The following SLMAP variants were observed in gnomAD, a reference collection of about 807,000 sequenced individuals.
The protein encoded by SLMAP is sarcolemmal membrane-associated protein.
In SLMAP, 44 loss-of-function variants were observed where a neutral mutation model predicts 128.8. The observed-to-expected ratio is 0.34, with a 90% CI of 0.27 to 0.44. The LOEUF is 0.44. Ranked by LOEUF, SLMAP falls within the 20% of genes least tolerant of loss-of-function variation. SLMAP has a pLI of 1.00. For missense variants in SLMAP, 787 were observed against 985.3 expected, an observed-to-expected ratio of 0.80 and a Z score of 2.69; for synonymous variants, 327 against 348.8, an observed-to-expected ratio of 0.94 and a Z score of 0.70.
At chr3:57,780,774 G>A (rs139867004) in intron 2 of SLMAP, among the ~76,000 whole-genome samples, 5 of 151,604 alleles carry the variant, frequency 3.3e-5, no homozygotes, top group African/African-American at 1.2e-4. Flanking sequence ...CTTCCTCGTG[G>A]CTGGGACTGT....
At chr3:57,781,331 TA>T (rs2083019721) in intron 2 of SLMAP, among the ~76,000 whole-genome samples, 1 of 152,188 alleles carries the variant, frequency 6.6e-6, no homozygotes, top group African/African-American at 2.4e-5. Context: ...AAATAGGTTA[TA>T]AAATGATTGG....
chr3:57,889,292 A>G (rs1351395573), intron 14 of SLMAP, among the ~76,000 whole-genome samples: 2 of 152,272 alleles, frequency 1.3e-5, no homozygotes, highest in South Asian at 4.1e-4. Flanking sequence ...ACTAGAGGCT[A>G]TAATGATATT....
chr3:57,915,802 C>T lies in SLMAP; in HGVS notation c.2139-1104C>T, dbSNP rs368792331. Among the ~76,000 whole-genome samples the T allele has an allele frequency of 5.5e-4, 83 of 152,258 alleles. No individual in the cohort carries two copies. In the East Asian group the frequency reaches 7.1e-3, roughly 13 times the overall value. On this transcript the variant is annotated intron_variant, in intron 21 of 24. Transcript: ENST00000671191. ...AGGAATTGAAGAAGGAATTTCTGTT[C>T]ACACATATCAAGCTGTTCTCCACAT...
chr3:57,906,406 C>T (rs2096565669), intron 17 of SLMAP, among the ~76,000 whole-genome samples: 1 of 145,184 alleles, frequency 6.9e-6, no homozygotes, highest in Admixed American at 7.1e-5. Context: ...ACCTCTGCCT[C>T]CCAGGTTCAA....
chr3:57,924,795 T>C (rs563336125), intron 23 of SLMAP, among the ~76,000 whole-genome samples: 15 of 152,004 alleles, frequency 9.9e-5, no homozygotes, highest in African/African-American at 3.6e-4. Flanking sequence ...AAAAGAGCTT[T>C]GGTTGAAAAA....
intron 17 of SLMAP, among the ~76,000 whole-genome samples, chr3:57,903,929 A>G (rs2096462047): frequency 6.6e-6 from 1 of 152,224 alleles, no homozygotes; most frequent in South Asian, 2.1e-4. Flanking sequence ...TCTAGGACAA[A>G]AACGAGGCAC....
intron 2 of SLMAP, among the ~76,000 whole-genome samples, chr3:57,829,618 A>T (rs999293921): frequency 1.3e-5 from 2 of 152,260 alleles, no homozygotes; most frequent in Non-Finnish European, 2.9e-5. Context: ...TGTATTTAAA[A>T]TATCAACACA....
chr3:57,885,771 C>CTTTTTTTTTTTTTTTTTTT (rs35541333), intron 14 of SLMAP, among the ~76,000 whole-genome samples: 5 of 53,580 alleles, frequency 9.3e-5, no homozygotes, highest in Non-Finnish European at 1.3e-4. Flanking sequence ...GTTTTTGGTT[C>CTTTTTTTTTTTTTTTTTTT]TTTTTTTTTT....
chr3:57,865,107 A>G (rs754122954), intron 12 of SLMAP, 135 bp from the exon 13 acceptor site: 1 of 604,620 alleles, frequency 1.7e-6, no homozygotes, highest in Non-Finnish European at 2.9e-6. Context: ...AGAAAAGTAC[A>G]TGAACAGCAG....
intron 23 of SLMAP, among the ~76,000 whole-genome samples, chr3:57,925,297 C>T (rs1205092296): frequency 6.6e-6 from 1 of 150,442 alleles, no homozygotes; most frequent in African/African-American, 2.4e-5. Context: ...ATGTTAGGTA[C>T]ACCCACATTG....
intron 6 of SLMAP, among the ~76,000 whole-genome samples, chr3:57,853,856 A>G (rs922630766): frequency 6.8e-5 from 10 of 147,636 alleles, no homozygotes; most frequent in African/African-American, 2.5e-4. Context: ...CAGGAGAATG[A>G]CTTGGACCCA....
At chr3:57,822,733 G>A (rs1207485730) in intron 2 of SLMAP, among the ~76,000 whole-genome samples, 1 of 152,154 alleles carries the variant, frequency 6.6e-6, no homozygotes, top group Non-Finnish European at 1.5e-5. Context: ...ATTTTTAATT[G>A]CTGAGGTGCC....
intron 22 of SLMAP, 191 bp downstream of exon 22, chr3:57,917,268 AG>A: frequency 7.1e-7 from 1 of 1,410,498 alleles, no homozygotes; most frequent in Non-Finnish European, 9.4e-7. Context: ...ATTCTTCAGT[AG>A]GGTTGGTCTC....
At chr3:57,816,952 C>CT (rs1257562987) in intron 2 of SLMAP, among the ~76,000 whole-genome samples, 2 of 152,020 alleles carry the variant, frequency 1.3e-5, no homozygotes, top group African/African-American at 2.4e-5. Flanking sequence ...AGTAGTTAAG[C>CT]AAGGGTGGAA....
intron 10 of SLMAP, among the ~76,000 whole-genome samples, chr3:57,862,754 G>A (rs1252268826): frequency 6.6e-6 from 1 of 152,062 alleles, no homozygotes; most frequent in Non-Finnish European, 1.5e-5. Flanking sequence ...TATGAAAGCA[G>A]GATGTAGGTG....
At chr3:57,808,218 C>T (rs527238380) in intron 2 of SLMAP, among the ~76,000 whole-genome samples, 2 of 152,110 alleles carry the variant, frequency 1.3e-5, no homozygotes, top group East Asian at 1.9e-4. Context: ...CCCCTAGATT[C>T]ATAGTTTTTT....
chr3:57,917,245 C>G, intron 22 of SLMAP, 168 bp downstream of exon 22: 2 of 1,473,436 alleles, frequency 1.4e-6, no homozygotes, highest in Non-Finnish European at 1.8e-6. Flanking sequence ...ATATCATGGT[C>G]CATATGTAGA....
intron 2 of SLMAP, among the ~76,000 whole-genome samples, chr3:57,770,538 C>T (rs1559922742): frequency 1.3e-5 from 2 of 152,084 alleles, no homozygotes; most frequent in African/African-American, 4.8e-5. Context: ...TGGGGGTAGT[C>T]GAGAACTGAA....
chr3:57,889,191 C>A (rs185022024), intron 14 of SLMAP, among the ~76,000 whole-genome samples: 2 of 152,312 alleles, frequency 1.3e-5, no homozygotes, highest in Non-Finnish European at 1.5e-5. Flanking sequence ...GCCCCTCTTT[C>A]TGATTTTAAA....
Sources: gnomAD v4.1 joint callset for allele counts (sites outside exome capture counted in the v4.1 genomes callset) on GRCh38, gnomAD v4.1.1 for gene constraint, MANE v1.5 for transcripts, NCBI Gene and HGNC (gene_info 2026-07-23, HGNC 2026-07-21) for gene names.